ATP1A2: variants seen among roughly 807,000 people sequenced by gnomAD.
The protein encoded by ATP1A2 is ATPase Na+/K+ transporting subunit alpha 2, also known as sodium/potassium-transporting ATPase subunit alpha-2.
A neutral mutation model predicts 113.1 loss-of-function variants in ATP1A2; 56 were observed. The ratio of observed to expected loss-of-function variants is 0.49; its 90% CI spans 0.40 to 0.62. The LOEUF (loss-of-function observed/expected upper bound fraction) is 0.62, where lower values mean the gene tolerates loss of function less well. Among genes scored for constraint, ATP1A2 ranks in the 20% least tolerant of loss-of-function variants. The pLI is 0.00. For missense variants in ATP1A2, 712 were observed against 1,357.8 expected (o/e 0.52, Z 7.47); for synonymous variants, 490 against 526.8 (o/e 0.93, Z 0.96).
chr1:160,135,784 G>A lies in ATP1A2; in HGVS notation c.2285-55G>A, dbSNP rs1469884870. 2 of 1,613,232 alleles carry A rather than the reference G, an allele frequency of 1.2e-6. No individual in the cohort carries two copies. Among genetic ancestry groups the A allele is most frequent in the East Asian group, 2.2e-5 (1 of 44,888 alleles). ...GACAGGCAGCCATGCTTCAGGGGCT[G>A]GGGGTGGGGAAGAGTCCCTCTGACC... is the stretch of plus-strand genomic sequence containing the variant. On this transcript the variant is annotated intron_variant, in intron 16 of 22. Coordinates refer to ENST00000361216, the MANE Select transcript of ATP1A2 (RefSeq NM_000702.4). This position sits in a 1 kb window ranked among gnomAD's most constrained non-coding sequence, Gnocchi z 6.3.
At chr1:160,133,553 C>T (rs528993146) in intron 13 of ATP1A2, among the ~76,000 whole-genome samples, 1 of 152,174 alleles carries the variant, frequency 6.6e-6, no homozygotes, top group Non-Finnish European at 1.5e-5. Context: ...AGGTAGGGAC[C>T]ACCGTGCTCA....
At chr1:160,119,573 C>T (rs1651311360) in intron 1 of ATP1A2, among the ~76,000 whole-genome samples, 1 of 152,074 alleles carries the variant, frequency 6.6e-6, no homozygotes, top group South Asian at 2.1e-4. Flanking sequence ...CCTATTCTAT[C>T]ACCCCAAGAG....
At chr1:160,117,007 G>A (rs1651206685) in intron 1 of ATP1A2, among the ~76,000 whole-genome samples, 1 of 152,210 alleles carries the variant, frequency 6.6e-6, no homozygotes, top group Admixed American at 6.5e-5. Flanking sequence ...CATAGGCGGG[G>A]AGTCCTGCAG....
chr1:160,120,398 C>G (rs1651355217), intron 1 of ATP1A2, among the ~76,000 whole-genome samples: 1 of 152,078 alleles, frequency 6.6e-6, no homozygotes, highest in South Asian at 2.1e-4. Flanking sequence ...TCCCCTGGCT[C>G]CCCAAAGACT....
rs1472596137 is a variant in ATP1A2, at chr1:160,136,277, G to A, written c.2470G>A (p.Ala824Thr). 1 of 1,614,210 alleles carries A rather than the reference G, an allele frequency of 6.2e-7. No individual in the cohort carries two copies. Among genetic ancestry groups the A allele is most frequent in the Admixed American group, 1.7e-5 (1 of 60,028 alleles). ...TGCCATCTCCTTGGCCTATGAGGCA[G>A]CTGAGAGTGATATCATGAAGCGGCA... ...VPAISLAYEA[A>T]ESDIMKRQPR... Residue 824 changes from alanine to threonine, a missense_variant, in exon 18 of 23, where the codon GCT (alanine) becomes ACT (threonine). Physicochemically the swap from Ala to Thr is moderately conservative, Grantham distance 58. Coordinates refer to ENST00000361216, the MANE Select transcript of ATP1A2 (RefSeq NM_000702.4).
chr1:160,124,990 T>C, intron 6 of ATP1A2, 146 bp from the exon 7 acceptor site: 1 of 715,530 alleles, frequency 1.4e-6, no homozygotes, highest in Non-Finnish European at 2.5e-6. Context: ...AATAGATGAG[T>C]AATGCCATAA....
intron 13 of ATP1A2, among the ~76,000 whole-genome samples, chr1:160,131,154 A>AC (rs1400716518): frequency 6.6e-6 from 1 of 151,898 alleles, no homozygotes; most frequent in Non-Finnish European, 1.5e-5. Context: ...AAACTCTAGC[A>AC]CCTTGCACAG....
intron 1 of ATP1A2, 90 bp from the exon 2 acceptor site, chr1:160,120,816 C>G (rs1651368597): frequency 7.4e-7 from 1 of 1,347,120 alleles, no homozygotes; most frequent in South Asian, 1.3e-5. Flanking sequence ...AACACACACC[C>G]CCACTGCCTG....
intron 5 of ATP1A2, 23 bp from the exon 6 acceptor site, chr1:160,124,273 G>C: frequency 6.3e-7 from 1 of 1,584,358 alleles, no homozygotes; most frequent in African/African-American, 1.3e-5. Context: ...AGCATTTCAT[G>C]AGCTGCCTGT....
At chr1:160,136,097 A>C (rs1651927234) in intron 17 of ATP1A2, 104 bp downstream of exon 17, 1 of 1,603,978 alleles carries the variant, frequency 6.2e-7, no homozygotes, top group East Asian at 2.2e-5. Context: ...TGGGGGTTAC[A>C]GGAGACAGGC....
At chr1:160,128,589 G>A in intron 8 of ATP1A2, 63 bp from the exon 9 acceptor site, 2 of 1,611,884 alleles carry the variant, frequency 1.2e-6, no homozygotes, top group Non-Finnish European at 1.7e-6. Flanking sequence ...ACGGTCTAGG[G>A]TAAGGTTATG....
At position 160,142,621 on chromosome 1, in the gene ATP1A2, TG is replaced by T. The variant is rs1339649681; in HGVS notation, c.*1301del. 1.3e-5 allele frequency: 2 copies of T among 152,126 alleles called. No homozygotes were observed. Among genetic ancestry groups the T allele is most frequent in the African/African-American group, 4.8e-5 (2 of 41,386 alleles). The allele number at this position is 152,126 out of a possible 1,614,324, so 9.4% of individuals were successfully genotyped here. ...GAGTTCGAGGCGAGCCTGGCCAACA[TG>T]GTGAAACCCTGTCTCTACTAAAAGT... On this transcript the variant is annotated 3_prime_UTR_variant, in exon 23 of 23. Transcript: ENST00000361216.
rs1260903916 is a variant in ATP1A2, at chr1:160,123,116, G to C, written c.178-97G>C. The C allele has an allele frequency of 9.2e-6, 13 of 1,405,648 alleles. No homozygotes were observed. In the African/African-American group the frequency reaches 9.9e-5, roughly 11 times the overall value. 87.1% of individuals were successfully genotyped at this position (1,405,648 alleles called of 1,614,324 possible). On this transcript the variant is annotated intron_variant, in intron 3 of 22. Coordinates refer to ENST00000361216, the MANE Select transcript of ATP1A2 (RefSeq NM_000702.4). The stretch of plus-strand genomic sequence containing the variant: ...CCAACCAGGTGGGACTTTCCTTCTG[G>C]GCATTCTTCCCATGCCCGGGAGCTG...
At chr1:160,139,554 C>G (rs528903102) in intron 20 of ATP1A2, 86 bp from the exon 21 acceptor site, 1 of 1,172,402 alleles carries the variant, frequency 8.5e-7, no homozygotes, top group African/African-American at 1.5e-5. Flanking sequence ...ATTCTCTCTC[C>G]TCTTTCCCTT....
chr1:160,123,445 G>A (rs758464172), intron 4 of ATP1A2, 29 bp downstream of exon 4: 8 of 1,613,720 alleles, frequency 5.0e-6, no homozygotes, highest in Admixed American at 1.7e-5. Context: ...CCCGGGAACA[G>A]CCCGTGACTG....
chr1:160,124,538 T>C lies in ATP1A2; in HGVS notation c.630+108T>C, dbSNP rs974362446. Reference sequence around the variant, plus strand: ...AGGTGGAGAGACCCAGGTCCAAATGTCAACACCATGCCTATGCCCCTGCTA... The same window carrying C: ...AGGTGGAGAGACCCAGGTCCAAATGCCAACACCATGCCTATGCCCCTGCTA... On this transcript the variant is annotated intron_variant, in intron 6 of 22. Coordinates refer to ENST00000361216, the MANE Select transcript of ATP1A2 (RefSeq NM_000702.4). 9.3e-6 allele frequency: 14 copies of C among 1,503,672 alleles called. 1 individual carries two copies. The highest frequency in any genetic ancestry group is 1.2e-5 in the Non-Finnish European group (13 of 1,109,688). The allele number at this position is 1,503,672 out of a possible 1,614,324, so 93.1% of individuals were successfully genotyped here. A position where few individuals can be genotyped will look rare whatever the true frequency, so the allele number is the denominator to read the frequency against.
intron 9 of ATP1A2, 50 bp from the exon 10 acceptor site, chr1:160,128,930 A>G (rs756446445): frequency 6.3e-7 from 1 of 1,596,800 alleles, no homozygotes; most frequent in Admixed American, 1.8e-5. Context: ...TGGTTGAGAT[A>G]AAGGCTCTAA....
At chr1:160,140,422 G>GT (rs1184759991) in intron 22 of ATP1A2, among the ~76,000 whole-genome samples, 1 of 152,018 alleles carries the variant, frequency 6.6e-6, no homozygotes, top group Non-Finnish European at 1.5e-5. Flanking sequence ...TCCTACAAGC[G>GT]TTTTTTAATC....
At chr1:160,140,365 AC>A (rs1189575273) in intron 22 of ATP1A2, among the ~76,000 whole-genome samples, 1 of 152,060 alleles carries the variant, frequency 6.6e-6, no homozygotes, top group Non-Finnish European at 1.5e-5. Context: ...TGGTACTAGA[AC>A]CCAGGCCTCC....
Sources: gnomAD v4.1 joint callset for allele counts (sites outside exome capture counted in the v4.1 genomes callset) on GRCh38, gnomAD v4.1.1 for gene constraint, Gnocchi (gnomAD v3.1) non-coding constraint, MANE v1.5 for transcripts, NCBI Gene and HGNC (gene_info 2026-07-23, HGNC 2026-07-21) for gene names.